The following RBFOX1 variants were observed in gnomAD, a reference collection of about 807,000 sequenced individuals.
RBFOX1 encodes RNA binding fox-1 homolog 1, also known as RNA binding protein fox-1 homolog 1.
A neutral mutation model predicts 57.7 loss-of-function variants in RBFOX1; 8 were observed. The ratio of observed to expected loss-of-function variants is 0.14; its 90% confidence interval spans 0.08 to 0.25. The LOEUF (loss-of-function observed/expected upper bound fraction) is 0.25, where lower values mean the gene tolerates loss of function less well. RBFOX1 is among the 10% of genes least tolerant of loss of function. The probability of loss-of-function intolerance (pLI) is 1.00; values close to 1 mark genes in which losing one functional copy is unlikely to be tolerated. For synonymous variants in RBFOX1, 326 were observed against 222.4 expected, an observed-to-expected ratio of 1.47 and a Z score of -4.15; for missense variants, 611 against 548.5, an observed-to-expected ratio of 1.11 and a Z score of -1.14.
At chr16:7,140,740 C>T (rs890266873) in intron 4 of RBFOX1, among the ~76,000 whole-genome samples, 1 of 152,082 alleles carries the variant, frequency 6.6e-6, no homozygotes, top group African/African-American at 2.4e-5. Flanking sequence ...GAGACGGAGA[C>T]TTGAATGAGG....
At chr16:6,784,090 A>G (rs1427196337) in intron 3 of RBFOX1, among the ~76,000 whole-genome samples, 1 of 151,816 alleles carries the variant, frequency 6.6e-6, no homozygotes, top group Non-Finnish European at 1.5e-5. Flanking sequence ...AACCTTTGAG[A>G]ATTTGATTAT....
chr16:7,489,735 G>A (rs1364611861), intron 4 of RBFOX1, among the ~76,000 whole-genome samples: 1 of 150,618 alleles, frequency 6.6e-6, no homozygotes, highest in Non-Finnish European at 1.5e-5. Flanking sequence ...TGTTCCGGCT[G>A]ATCTTCAACT....
rs1567555484 is a variant in RBFOX1 at position 7,504,791 on chromosome 16, ATATATATATATT to A, written c.28-13344_28-13333del. ...TATATTTATATATATATATATTTAT[ATATATATATATT>A]TATATATATATATATAGTGACTAAC... is the stretch of plus-strand genomic sequence containing the variant. On this transcript the variant is annotated intron_variant, in intron 4 of 15. Transcript: ENST00000550418. Among the ~76,000 whole-genome samples, 18 of 28,952 alleles carry A rather than the reference ATATATATATATT, an allele frequency of 6.2e-4. 1 individual carries two copies. The highest frequency in any genetic ancestry group is 1.3e-3 in the African/African-American group (16 of 12,546). The allele number at this position is 28,952 out of a possible 152,430, so 19.0% of individuals were successfully genotyped here.
chr16:7,567,317 ATATATC>A (rs1567865661), intron 5 of RBFOX1, among the ~76,000 whole-genome samples: 2 of 93,882 alleles, frequency 2.1e-5, no homozygotes, highest in African/African-American at 4.0e-5. Context: ...ATATATATAT[ATATATC>A]TCCCTATATA....
intron 2 of RBFOX1, among the ~76,000 whole-genome samples, chr16:5,548,054 G>A (rs562482288): frequency 1.3e-5 from 2 of 151,388 alleles, no homozygotes; most frequent in Non-Finnish European, 2.9e-5. Context: ...CCAGCTACTT[G>A]GGAAGCTGAG....
intron 3 of RBFOX1, among the ~76,000 whole-genome samples, chr16:6,966,832 TATC>T (rs2084324681): frequency 7.2e-6 from 1 of 138,738 alleles, no homozygotes. Context: ...TCTATCTGTC[TATC>T]TATCTATCCA....
intron 1 of RBFOX1, among the ~76,000 whole-genome samples, chr16:6,175,854 A>G (rs755357926): frequency 6.6e-6 from 1 of 152,248 alleles, no homozygotes; most frequent in South Asian, 2.1e-4. Context: ...GCAATTGTGC[A>G]GTAAGGAGAG....
At chr16:5,900,781 C>T (rs879716593) in intron 4 of RBFOX1, among the ~76,000 whole-genome samples, 1 of 152,162 alleles carries the variant, frequency 6.6e-6, no homozygotes, top group East Asian at 1.9e-4. Flanking sequence ...AATTAGCCTC[C>T]TTCCTCTCCC....
chr16:5,911,032 C>T (rs1285456177), intron 4 of RBFOX1, among the ~76,000 whole-genome samples: 2 of 152,164 alleles, frequency 1.3e-5, no homozygotes, highest in East Asian at 3.9e-4. Flanking sequence ...TATCTGTAAT[C>T]ATACCCCAAA....
At chr16:6,764,795 G>A (rs1006394602) in intron 3 of RBFOX1, among the ~76,000 whole-genome samples, 1 of 152,148 alleles carries the variant, frequency 6.6e-6, no homozygotes, top group Admixed American at 6.5e-5. Context: ...AAATTAGCTA[G>A]GCATGGTGAC....
Position 5,999,740 on chromosome 16 carries a change from A to G in RBFOX1, c.351+132405A>G, listed in dbSNP as rs545494337. On this transcript the variant is annotated intron_variant, in intron 4 of 19. Transcript: ENST00000641259. Reference sequence around the variant, plus strand: ...GCCGGGCTTGGTGGCGGGCGCCTGTAGTCCCAGCTACTTGGGAGGCTGAGG... The same window carrying G: ...GCCGGGCTTGGTGGCGGGCGCCTGTGGTCCCAGCTACTTGGGAGGCTGAGG... 1.1e-4 allele frequency among the ~76,000 whole-genome samples: 17 copies of G among 152,122 alleles called. No individual in the cohort carries two copies. The South Asian group carries it at 3.5e-3, about 32-fold the overall frequency.
intron 4 of RBFOX1, among the ~76,000 whole-genome samples, chr16:7,481,392 T>C (rs1032331771): frequency 6.6e-6 from 1 of 152,224 alleles, no homozygotes; most frequent in African/African-American, 2.4e-5. Context: ...TATAAATTGC[T>C]GCTAAATTAT....
intron 4 of RBFOX1, among the ~76,000 whole-genome samples, chr16:7,493,374 G>T (rs929503464): frequency 6.6e-6 from 1 of 152,166 alleles, no homozygotes; most frequent in African/African-American, 2.4e-5. Flanking sequence ...TAGAATCATT[G>T]CAATAGACTC....
intron 3 of RBFOX1, among the ~76,000 whole-genome samples, chr16:6,784,601 C>G (rs147324477): frequency 6.6e-6 from 1 of 152,188 alleles, no homozygotes; most frequent in African/African-American, 2.4e-5. Context: ...CTCTGTATCT[C>G]TAGGATTGAT....
intron 2 of RBFOX1, among the ~76,000 whole-genome samples, chr16:6,631,590 A>T (rs1269540719): frequency 6.6e-6 from 1 of 152,174 alleles, no homozygotes; most frequent in African/African-American, 2.4e-5. Flanking sequence ...CTCTGCTTTC[A>T]TGGAGCTAAG....
In RBFOX1 at chr16:7,032,319, C is replaced by A. The variant is rs573799334; in HGVS notation, c.-15-19738C>A. 2.6e-5 allele frequency among the ~76,000 whole-genome samples: 4 copies of A among 151,998 alleles called. No individual in the cohort carries two copies. The East Asian group carries it at 7.8e-4, about 30-fold the overall frequency. On this transcript the variant is annotated intron_variant, in intron 3 of 15. Coordinates refer to ENST00000550418, the MANE Select transcript of RBFOX1 (RefSeq NM_018723.4). ...ATTTAGCTGGGTGTGGTGGGAGGAG[C>A]CTGTAGTCCTAGCTACTTGGGAGGC...
chr16:7,707,443 AG>A (rs1026024261), intron 14 of RBFOX1, among the ~76,000 whole-genome samples: 1 of 152,202 alleles, frequency 6.6e-6, no homozygotes, highest in Admixed American at 6.5e-5. Context: ...TTGGGCTCTA[AG>A]GGATGAGAGA....
intron 3 of RBFOX1, among the ~76,000 whole-genome samples, chr16:6,948,027 C>A (rs2079912259): frequency 6.6e-6 from 1 of 152,168 alleles, no homozygotes; most frequent in Non-Finnish European, 1.5e-5. Context: ...AGTCCAGCTG[C>A]CTTCACCTCC....
chr16:5,965,123 C>G (rs1039312981), intron 4 of RBFOX1, among the ~76,000 whole-genome samples: 1 of 152,048 alleles, frequency 6.6e-6, no homozygotes, highest in Non-Finnish European at 1.5e-5. Context: ...GCTGGTTACT[C>G]AGAGCTGGAC....
Sources: gnomAD v4.1 joint callset for allele counts (sites outside exome capture counted in the v4.1 genomes callset) on GRCh38, gnomAD v4.1.1 for gene constraint, MANE v1.5 for transcripts, NCBI Gene and HGNC (gene_info 2026-07-23, HGNC 2026-07-21) for gene names.